PLAC1: variants seen among roughly 807,000 people sequenced by gnomAD.
PLAC1 encodes the protein placenta-specific protein 1.
For missense variants in PLAC1, 136 were observed against 163.2 expected (o/e 0.83, Z 0.91); for synonymous variants, 68 against 62.1 (o/e 1.09, Z -0.44).
chrX:134,586,499 G>C lies in PLAC1; in HGVS notation c.-59+15552C>G, dbSNP rs773450316. Among the ~76,000 whole-genome samples, 8 of 110,851 alleles carry C rather than the reference G, an allele frequency of 7.2e-5. No homozygotes were observed. The East Asian group carries it at 2.3e-3, about 31-fold the overall frequency. ...AAACAAAGTCTCAGCTGTTAAACCCGAGGGGCCGTGAAGCCACCTTTGGAT... is the reference window on the plus strand; with the variant it reads ...AAACAAAGTCTCAGCTGTTAAACCCCAGGGGCCGTGAAGCCACCTTTGGAT... On this transcript the variant is annotated intron_variant, in intron 2 of 2. Transcript: ENST00000359237.
At chrX:134,613,852 C>T (rs1249137967) in intron 1 of PLAC1, among the ~76,000 whole-genome samples, 1 of 110,997 alleles carries the variant, frequency 9.0e-6, no homozygotes, top group East Asian at 2.8e-4. Flanking sequence ...TTTCTTGCCG[C>T]TCTGTTGCCA....
intron 1 of PLAC1, among the ~76,000 whole-genome samples, chrX:134,739,908 A>AAT (rs2078712577): frequency 8.9e-6 from 1 of 112,548 alleles, no homozygotes; most frequent in South Asian, 3.7e-4. Context: ...ACCCAATGGA[A>AAT]ATATATGCAC....
chrX:134,596,363 T>C (rs1490534085), intron 2 of PLAC1, among the ~76,000 whole-genome samples: 1 of 112,056 alleles, frequency 8.9e-6, no homozygotes, highest in African/African-American at 3.2e-5. Flanking sequence ...ATAACTTCCT[T>C]TAGCTATTAT....
chrX:134,738,465 G>A lies in PLAC1; in HGVS notation n.90-4946C>T, dbSNP rs780669758. Among the ~76,000 whole-genome samples, 5 of 111,864 alleles carry A rather than the reference G, an allele frequency of 4.5e-5. No homozygotes were observed. The South Asian group carries it at 1.5e-3, about 34-fold the overall frequency. On this transcript the variant is annotated intron_variant and non_coding_transcript_variant, in intron 1 of 2. Transcript: ENST00000466797. ...CTGTTCATAGGGTTCAAACGGGCTC[G>A]TTCCCAGGGTGAGACAACTGCACCC...
At chrX:134,751,136 G>A (rs1188193190) in intron 1 of PLAC1, among the ~76,000 whole-genome samples, 2 of 95,720 alleles carry the variant, frequency 2.1e-5, no homozygotes, top group Non-Finnish European at 4.1e-5. Context: ...AAAAAAAAAA[G>A]GAAAAGAAAA....
intron 1 of PLAC1, among the ~76,000 whole-genome samples, chrX:134,738,164 A>G (rs1166309731): frequency 2.7e-5 from 3 of 111,541 alleles, no homozygotes. Flanking sequence ...AGCAAGACAG[A>G]GAGGGTGAGA....
chrX:134,644,913 A>G (rs988566394), intron 1 of PLAC1, among the ~76,000 whole-genome samples: 1 of 111,777 alleles, frequency 8.9e-6, no homozygotes, highest in East Asian at 2.8e-4. Context: ...CAAGTCATCA[A>G]GTGCTCCATA....
intron 1 of PLAC1, among the ~76,000 whole-genome samples, chrX:134,655,883 T>C (rs1179097245): frequency 8.9e-6 from 1 of 112,077 alleles, no homozygotes; most frequent in African/African-American, 3.2e-5. Context: ...AGTCTTCTGG[T>C]TCCCATATCA....
intron 1 of PLAC1, among the ~76,000 whole-genome samples, chrX:134,750,812 A>AAAAT (rs1381496461): frequency 1.9e-5 from 1 of 52,012 alleles, no homozygotes; most frequent in Admixed American, 2.9e-4. Flanking sequence ...CAAAAAAAAA[A>AAAAT]ATATATATAT....
At chrX:134,633,543 G>A (rs2078271202) in intron 1 of PLAC1, among the ~76,000 whole-genome samples, 1 of 111,782 alleles carries the variant, frequency 8.9e-6, no homozygotes, top group African/African-American at 3.3e-5. Flanking sequence ...GGGCTAATTT[G>A]TACAGCTGCT....
At chrX:134,704,860 GC>G (rs2078597177) in intron 2 of PLAC1, among the ~76,000 whole-genome samples, 1 of 101,480 alleles carries the variant, frequency 9.9e-6, no homozygotes, top group South Asian at 4.4e-4. Context: ...AGACGTGGTG[GC>G]GTGTGTCTGT....
At chrX:134,616,997 G>A (rs2078186479) in intron 1 of PLAC1, among the ~76,000 whole-genome samples, 1 of 106,265 alleles carries the variant, frequency 9.4e-6, no homozygotes, top group Admixed American at 1.0e-4. Context: ...TTTTTTGGTG[G>A]GGGGGTGGGG....
intron 1 of PLAC1, among the ~76,000 whole-genome samples, chrX:134,762,353 T>C (rs1186959866): frequency 9.1e-6 from 1 of 110,135 alleles, no homozygotes; most frequent in Non-Finnish European, 1.9e-5. Context: ...CCAGGAATTA[T>C]CACAAATGAA....
At chrX:134,619,518 G>T (rs1299229995) in intron 1 of PLAC1, among the ~76,000 whole-genome samples, 2 of 110,176 alleles carry the variant, frequency 1.8e-5, no homozygotes, top group Non-Finnish European at 3.8e-5. Flanking sequence ...AGGCATGGTG[G>T]CATGCGCCTG....
chrX:134,689,589 T>A (rs1489258221), intron 2 of PLAC1, among the ~76,000 whole-genome samples: 1 of 111,502 alleles, frequency 9.0e-6, no homozygotes, highest in Non-Finnish European at 1.9e-5. Flanking sequence ...ATGAATCAGA[T>A]GATATAAATT....
At chrX:134,752,527 C>G (rs1408437066) in intron 1 of PLAC1, among the ~76,000 whole-genome samples, 1 of 111,484 alleles carries the variant, frequency 9.0e-6, no homozygotes, top group South Asian at 3.8e-4. Context: ...TTTTTTTTCT[C>G]CCCTTGGCTT....
intron 2 of PLAC1, among the ~76,000 whole-genome samples, chrX:134,727,591 A>G (rs1384768959): frequency 8.9e-6 from 1 of 111,994 alleles, no homozygotes; most frequent in Non-Finnish European, 1.9e-5. Flanking sequence ...GGACTGGCCA[A>G]CTCTGGTAGA....
intron 2 of PLAC1, among the ~76,000 whole-genome samples, chrX:134,714,944 T>A (rs1194262380): frequency 1.8e-5 from 2 of 111,792 alleles, no homozygotes; most frequent in Non-Finnish European, 3.8e-5. Context: ...TTGAACTGTG[T>A]AAACATTAGG....
intron 1 of PLAC1, among the ~76,000 whole-genome samples, chrX:134,763,381 A>G (rs1459136793): frequency 8.9e-6 from 1 of 111,760 alleles, no homozygotes; most frequent in Non-Finnish European, 1.9e-5. Context: ...TGGAGTTCTA[A>G]TCACTTTTTT....
Sources: gnomAD v4.1 joint callset for allele counts (sites outside exome capture counted in the v4.1 genomes callset) on GRCh38, gnomAD v4.1.1 for gene constraint, MANE v1.5 for transcripts, NCBI Gene and HGNC (gene_info 2026-07-23, HGNC 2026-07-21) for gene names.